LINGO2: variants seen among roughly 807,000 people sequenced by gnomAD.
LINGO2 encodes the protein leucine rich repeat and Ig domain containing 2.
LINGO2 carries 14 observed loss-of-function variants against 30.6 expected under a neutral mutation model. That is an observed-to-expected ratio of 0.46 (90% CI 0.30 to 0.72). The LOEUF (loss-of-function observed/expected upper bound fraction) is 0.72, where lower values mean the gene tolerates loss of function less well. LINGO2 is among the 30% of genes least tolerant of loss of function. The probability of loss-of-function intolerance (pLI) is 0.07; values close to 1 mark genes in which losing one functional copy is unlikely to be tolerated. For missense variants in LINGO2, 729 were observed against 751.7 expected, an observed-to-expected ratio of 0.97 and a Z score of 0.35; for synonymous variants, 317 against 288.5, an observed-to-expected ratio of 1.10 and a Z score of -1.00.
At chr9:28,415,572 A>G (rs1482314104) in intron 2 of LINGO2, among the ~76,000 whole-genome samples, 1 of 152,134 alleles carries the variant, frequency 6.6e-6, no homozygotes, top group Non-Finnish European at 1.5e-5. Flanking sequence ...AGGGTCTCTG[A>G]ATGCACTACC....
chr9:28,227,013 T>C (rs1208115660), intron 4 of LINGO2, among the ~76,000 whole-genome samples: 1 of 152,138 alleles, frequency 6.6e-6, no homozygotes, highest in Non-Finnish European at 1.5e-5. Flanking sequence ...AATCTCAGTA[T>C]CAGTTTGTGG....
At chr9:28,023,143 T>G (rs1178679188) in intron 4 of LINGO2, among the ~76,000 whole-genome samples, 2 of 152,150 alleles carry the variant, frequency 1.3e-5, no homozygotes, top group African/African-American at 4.8e-5. Context: ...AATTTGAAAA[T>G]CTGTGTCACA....
At chr9:28,416,146 T>G (rs1457688782) in intron 2 of LINGO2, among the ~76,000 whole-genome samples, 1 of 152,070 alleles carries the variant, frequency 6.6e-6, no homozygotes, top group African/African-American at 2.4e-5. Flanking sequence ...GTGACAGGAG[T>G]AGCTATAGCA....
At chr9:28,385,382 C>T (rs1330332344) in intron 2 of LINGO2, among the ~76,000 whole-genome samples, 2 of 152,100 alleles carry the variant, frequency 1.3e-5, no homozygotes, top group South Asian at 2.1e-4. Flanking sequence ...AGCAAATTCA[C>T]ATACAGGTTG....
At chr9:29,032,247 A>T in the LINGO2 span, among the ~76,000 whole-genome samples, 1 of 152,176 alleles carries the variant, frequency 6.6e-6, no homozygotes, top group African/African-American at 2.4e-5. Context: ...GACAAAGGAA[A>T]GTCAAGTGTT....
At chr9:29,143,792 T>G in the LINGO2 span, among the ~76,000 whole-genome samples, 3 of 152,168 alleles carry the variant, frequency 2.0e-5, no homozygotes, top group Non-Finnish European at 4.4e-5. Flanking sequence ...CATTTATCAG[T>G]TTTTGCTTTC....
chr9:28,671,513 C>CAAAAAAAAAAAAAA (rs11286682), upstream of LINGO2, among the ~76,000 whole-genome samples: 3 of 105,640 alleles, frequency 2.8e-5, no homozygotes, highest in Non-Finnish European at 5.4e-5. Context: ...TTATCTTAAG[C>CAAAAAAAAAAAAAA]AAAAAAAAAA....
At chr9:28,673,310 T>C (rs919288173), upstream of LINGO2, among the ~76,000 whole-genome samples, 3 of 152,180 alleles carry the variant, frequency 2.0e-5, no homozygotes, top group Admixed American at 6.5e-5. Context: ...GATCATGTGA[T>C]TTATTAGATT....
chr9:29,156,717 C>T, the LINGO2 span, among the ~76,000 whole-genome samples: 1 of 151,966 alleles, frequency 6.6e-6, no homozygotes, highest in African/African-American at 2.4e-5. Context: ...CCTTCTTAGA[C>T]AGGTCTTTGA....
intron 1 of LINGO2, among the ~76,000 whole-genome samples, chr9:28,593,900 GC>G (rs1372361880): frequency 6.6e-6 from 1 of 151,960 alleles, no homozygotes; most frequent in Non-Finnish European, 1.5e-5. Context: ...TTTCTAGGAA[GC>G]AGCTTAAATT....
the LINGO2 span, among the ~76,000 whole-genome samples, chr9:28,972,030 CT>C: frequency 2.0e-5 from 3 of 152,248 alleles, no homozygotes; most frequent in African/African-American, 4.8e-5. Flanking sequence ...TCTCCCGAAT[CT>C]TTTGGAAGAC....
At chr9:29,125,680 C>A in the LINGO2 span, among the ~76,000 whole-genome samples, 2 of 152,186 alleles carry the variant, frequency 1.3e-5, no homozygotes, top group East Asian at 3.9e-4. Context: ...AAATTTCTTA[C>A]AGTTACTAAG....
the LINGO2 span, among the ~76,000 whole-genome samples, chr9:28,909,171 T>C: frequency 6.6e-6 from 1 of 151,938 alleles, no homozygotes; most frequent in South Asian, 2.1e-4. Context: ...GTCTGATAGA[T>C]GTGTTGTATG....
chr9:28,253,309 ACT>A (rs1822270484), intron 4 of LINGO2, among the ~76,000 whole-genome samples: 1 of 152,116 alleles, frequency 6.6e-6, no homozygotes, highest in South Asian at 2.1e-4. Context: ...TGACCACTTA[ACT>A]CTGCAGGGCA....
the LINGO2 span, among the ~76,000 whole-genome samples, chr9:28,719,084 C>T: frequency 6.6e-6 from 1 of 152,054 alleles, no homozygotes; most frequent in Admixed American, 6.6e-5. Flanking sequence ...TCTCATCCTT[C>T]CCACTTTTCA....
At chr9:28,298,363 T>C (rs1407788770) in intron 3 of LINGO2, among the ~76,000 whole-genome samples, 7 of 151,970 alleles carry the variant, frequency 4.6e-5, no homozygotes, top group Admixed American at 2.6e-4. Flanking sequence ...GAGAAACTTA[T>C]TCTTTTAAAA....
chr9:28,885,360 T>TACACACACACACACACAC, the LINGO2 span, among the ~76,000 whole-genome samples: 1 of 144,134 alleles, frequency 6.9e-6, no homozygotes. Context: ...TATATATATA[T>TACACACACACACACACAC]ACACACACAC....
At chr9:29,033,071 G>T in the LINGO2 span, among the ~76,000 whole-genome samples, 1 of 152,022 alleles carries the variant, frequency 6.6e-6, no homozygotes, top group African/African-American at 2.4e-5. Flanking sequence ...CACTCATCTT[G>T]CCATTTCAGG....
At chr9:28,689,813 G>A in the LINGO2 span, among the ~76,000 whole-genome samples, 6 of 152,078 alleles carry the variant, frequency 3.9e-5, no homozygotes, top group South Asian at 1.2e-3. Context: ...AAGACATAAA[G>A]TCAACCTAAA....
Sources: allele counts gnomAD v4.1 joint callset (sites outside exome capture counted in the v4.1 genomes callset), GRCh38; gene constraint gnomAD v4.1.1; transcripts MANE v1.5; gene names NCBI Gene and HGNC (gene_info 2026-07-23, HGNC 2026-07-21).